EIF2D: variants seen among roughly 807,000 people sequenced by gnomAD.
EIF2D encodes the protein eukaryotic translation initiation factor 2D, also known as hepatocellular carcinoma-associated antigen 56.
EIF2D carries 56 observed loss-of-function variants against 77.4 expected under a neutral mutation model. The observed-to-expected ratio is 0.72, with a 90% CI of 0.58 to 0.90. The LOEUF (loss-of-function observed/expected upper bound fraction) is 0.90, where lower values mean the gene tolerates loss of function less well. Ranked by LOEUF, EIF2D falls within the 40% of genes least tolerant of loss-of-function variation. EIF2D has a pLI of 0.00. For missense variants in EIF2D, 574 were observed against 706.5 expected (o/e 0.81, Z 2.13); for synonymous variants, 230 against 271.0 (o/e 0.85, Z 1.49).
chr1:206,607,532 G>A (rs755968395), intron 4 of EIF2D, among the ~76,000 whole-genome samples: 7 of 152,208 alleles, frequency 4.6e-5, no homozygotes, highest in Non-Finnish European at 8.8e-5. Flanking sequence ...GCCAAGGCAG[G>A]AGTATCGCTT....
intron 7 of EIF2D, chr1:206,602,126 A>G (rs1164251610): frequency 1.9e-6 from 1 of 519,756 alleles, no homozygotes; most frequent in Non-Finnish European, 3.4e-6. Flanking sequence ...ATTGGCTAAA[A>G]TTTAAGATTT....
chr1:206,602,916 T>C (rs1553411642), intron 6 of EIF2D, 35 bp downstream of exon 6: 2 of 1,605,376 alleles, frequency 1.2e-6, no homozygotes, highest in African/African-American at 2.7e-5. Context: ...AATTGAGAGG[T>C]GGGGAGATGG....
intron 11 of EIF2D, among the ~76,000 whole-genome samples, chr1:206,598,504 T>C (rs543446439): frequency 6.6e-6 from 1 of 152,304 alleles, no homozygotes; most frequent in African/African-American, 2.4e-5. Context: ...CAACAATGTA[T>C]TGTGTATGTC....
intron 2 of EIF2D, chr1:206,585,484 T>C: frequency 1.8e-6 from 1 of 541,078 alleles, no homozygotes; most frequent in Non-Finnish European, 3.3e-6. Flanking sequence ...CTGAACACCC[T>C]GGGGTAGCAC....
intron 1 of EIF2D, 62 bp downstream of exon 1, chr1:206,612,224 GC>G: frequency 6.2e-7 from 1 of 1,607,840 alleles, no homozygotes; most frequent in South Asian, 1.1e-5. Flanking sequence ...AGGGCTATGG[GC>G]CAGCGGGGCC....
chr1:206,583,466 C>A, intron 2 of EIF2D: 1 of 906,806 alleles, frequency 1.1e-6, no homozygotes, highest in Non-Finnish European at 1.8e-6. Context: ...AATTCTGTGG[C>A]TACTCCCTGG....
intron 4 of EIF2D, among the ~76,000 whole-genome samples, chr1:206,580,226 C>T (rs1553405987): frequency 2.6e-5 from 4 of 152,218 alleles, no homozygotes; most frequent in African/African-American, 9.6e-5. Flanking sequence ...AGCTTTGCTT[C>T]TCACTGTATT....
chr1:206,597,326 C>T (rs1553410397), intron 11 of EIF2D, 131 bp from the exon 12 acceptor site: 3 of 645,426 alleles, frequency 4.6e-6, no homozygotes, highest in Non-Finnish European at 8.1e-6. Context: ...GCCCACAGTC[C>T]AAAAGGCAAT....
rs146816811 is a variant in EIF2D, at chr1:206,611,089, C to T, written c.247+95G>A. 4.4e-5 allele frequency: 55 copies of T among 1,247,218 alleles called. 1 individual carries two copies. The African/African-American group carries it at 7.1e-4, about 16-fold the overall frequency. The allele number at this position is 1,247,218 out of a possible 1,614,324, so 77.3% of individuals were successfully genotyped here. A position where few individuals can be genotyped will look rare whatever the true frequency, so the allele number is the denominator to read the frequency against. Reference sequence around the variant, plus strand: ...ATGGTATTGGGAGATTTCGTGCTTGCTTATTTTATGGGAGACAATGGAAGA... The same window carrying T: ...ATGGTATTGGGAGATTTCGTGCTTGTTTATTTTATGGGAGACAATGGAAGA... On this transcript the variant is annotated intron_variant, in intron 2 of 14. Coordinates refer to ENST00000271764, the MANE Select transcript of EIF2D (RefSeq NM_006893.3).
chr1:206,602,663 C>T, intron 6 of EIF2D: 3 of 634,100 alleles, frequency 4.7e-6, no homozygotes, highest in Non-Finnish European at 2.7e-6. Flanking sequence ...TCCCACCAAG[C>T]TAGGAGTGTT....
At chr1:206,604,091 A>G (rs1212087252) in intron 5 of EIF2D, among the ~76,000 whole-genome samples, 6 of 152,196 alleles carry the variant, frequency 3.9e-5, no homozygotes, top group African/African-American at 1.4e-4. Flanking sequence ...TCAAATATCT[A>G]AAAACAGGCA....
At chr1:206,586,913 A>G (rs1553407780), downstream of EIF2D, 1 of 1,614,196 alleles carries the variant, frequency 6.2e-7, no homozygotes, top group South Asian at 1.1e-5. Flanking sequence ...AGTGCAAAAG[A>G]AGTATGACAA....
intron 2 of EIF2D, among the ~76,000 whole-genome samples, chr1:206,609,912 G>T (rs1199661307): frequency 6.6e-6 from 1 of 152,216 alleles, no homozygotes; most frequent in Non-Finnish European, 1.5e-5. Context: ...AAGGAAGTGA[G>T]ATCAGGGGCA....
Position 206,584,593 on chromosome 1 carries a change from T to G in EIF2D, c.139-3431A>C, listed in dbSNP as rs1157845699. On this transcript the variant is annotated intron_variant and NMD_transcript_variant, in intron 2 of 5. Coordinates refer to the EIF2D transcript ENST00000472709. The surrounding 1 kb of genome is among the most constrained non-coding windows in gnomAD (Gnocchi z 4.9). ...ACATCAGCAGCACCACCACCGTCAG[T>G]GAGGTCATCCAGGGGCTGCTCAAGA... The G allele has an allele frequency of 6.2e-7, 1 of 1,614,218 alleles. No individual in the cohort carries two copies. The highest frequency in any genetic ancestry group is 1.3e-5 in the African/African-American group (1 of 75,042).
chr1:206,583,668 T>C (rs969785728), intron 2 of EIF2D: 1 of 386,390 alleles, frequency 2.6e-6, no homozygotes, highest in Non-Finnish European at 4.9e-6. Flanking sequence ...CGGTACGTAA[T>C]GACCAAGGGC....
intron 2 of EIF2D, 67 bp downstream of exon 2, chr1:206,611,117 C>CA: frequency 7.0e-7 from 1 of 1,433,914 alleles, no homozygotes; most frequent in South Asian, 1.4e-5. Flanking sequence ...ATGGAAGAAA[C>CA]AGAGAGAAGC....
chr1:206,593,098 G>A (rs1318421883), intron 14 of EIF2D, among the ~76,000 whole-genome samples: 3 of 133,804 alleles, frequency 2.2e-5, no homozygotes, highest in Non-Finnish European at 3.1e-5. Context: ...GTGACAGAGC[G>A]AGATTCTGTT....
In EIF2D at chr1:206,584,475, C is replaced by T. The variant is rs539554161; in HGVS notation, c.139-3313G>A. 2.5e-6 allele frequency: 4 copies of T among 1,614,176 alleles called. No individual in the cohort carries two copies. The highest frequency in any genetic ancestry group is 3.3e-5 in the Admixed American group (2 of 60,020). The stretch of plus-strand genomic sequence containing the variant: ...GTGCCTGCTGGGATCCGGCCCCAGT[C>T]CATCTATGATGCCATCAAGGAGGTG... On this transcript the variant is annotated intron_variant and NMD_transcript_variant, in intron 2 of 5. Transcript: ENST00000472709. The surrounding 1 kb of genome is among the most constrained non-coding windows in gnomAD (Gnocchi z 4.9).
chr1:206,609,493 C>T, intron 2 of EIF2D, 34 bp from the exon 3 acceptor site: 3 of 1,555,186 alleles, frequency 1.9e-6, no homozygotes, highest in Non-Finnish European at 2.6e-6. Context: ...ACACTACTAC[C>T]AAAAAGCCAA....
Sources: allele counts gnomAD v4.1 joint callset (sites outside exome capture counted in the v4.1 genomes callset), GRCh38; gene constraint gnomAD v4.1.1; non-coding constraint Gnocchi (gnomAD v3.1); transcripts MANE v1.5; gene names NCBI Gene and HGNC (gene_info 2026-07-23, HGNC 2026-07-21).